Variants in DYSF observed in about 807,000 individuals in gnomAD.
DYSF encodes the protein dysferlin, also known as dystrophy-associated fer-1-like 1.
In DYSF, 212 loss-of-function variants were observed where a neutral mutation model predicts 274.9. That is an observed-to-expected ratio of 0.77 (90% CI 0.69 to 0.86). The LOEUF is 0.86. DYSF is among the 40% of genes least tolerant of loss of function. DYSF has a pLI of 0.00. For missense variants in DYSF, 2,666 were observed against 2,783.2 expected (o/e 0.96, Z 0.95); for synonymous variants, 1,091 against 1,078.7 (o/e 1.01, Z -0.22).
chr2:71,619,996 A>G (rs1003614120), intron 40 of DYSF, among the ~76,000 whole-genome samples: 1 of 152,188 alleles, frequency 6.6e-6, no homozygotes, highest in African/African-American at 2.4e-5. Context: ...AGGTGGGACT[A>G]TAAGACTCCT....
chr2:71,667,171 G>C (rs2095028986), intron 47 of DYSF, among the ~76,000 whole-genome samples: 2 of 152,174 alleles, frequency 1.3e-5, no homozygotes, highest in African/African-American at 4.8e-5. Flanking sequence ...TGGATTTTAA[G>C]CCTGGAGCTA....
At chr2:71,583,225 G>A (rs2092955211) in intron 30 of DYSF, among the ~76,000 whole-genome samples, 1 of 152,136 alleles carries the variant, frequency 6.6e-6, no homozygotes, top group African/African-American at 2.4e-5. Flanking sequence ...TGAACCACAT[G>A]CGCTCACTCC....
rs772806555 is a variant in DYSF, at chr2:71,568,246, C to T, written c.2772C>T (p.Asp924=). 1.5e-5 allele frequency: 25 copies of T among 1,614,094 alleles called. No homozygotes were observed. The highest frequency in any genetic ancestry group is 2.7e-5 in the African/African-American group (2 of 74,930). The change falls in exon 26 of 56, where the codon GAC becomes GAT. Residue 924 remains aspartate (D), a synonymous_variant. Transcript: ENST00000410020. ...GCCTCACCTACCCCAAGTTTTCTGA[C>T]GTCACGGGCAAGATCAAGCTACCCA... ...TTGLTYPKFS[D]VTGKIKLPKD...
At chr2:71,519,494 TG>T (rs2152740369) in intron 10 of DYSF, among the ~76,000 whole-genome samples, 1 of 152,310 alleles carries the variant, frequency 6.6e-6, no homozygotes, top group African/African-American at 2.4e-5. Context: ...CTGCCCCTGC[TG>T]CCCCCTGCAG....
At chr2:71,502,954 G>C (rs2085136089) in intron 3 of DYSF, among the ~76,000 whole-genome samples, 1 of 152,148 alleles carries the variant, frequency 6.6e-6, no homozygotes, top group Non-Finnish European at 1.5e-5. Context: ...GGGGCAGGAA[G>C]GGGTCAAGGT....
chr2:71,564,025 C>T, intron 23 of DYSF, 33 bp from the exon 24 acceptor site: 2 of 1,612,972 alleles, frequency 1.2e-6, no homozygotes, highest in Non-Finnish European at 1.7e-6. Context: ...TGGTGTGTCA[C>T]CATCCCCACC....
Position 71,535,046 on chromosome 2 carries a change from C to A in DYSF, c.1406C>A (p.Thr469Lys), listed in dbSNP as rs376358025. ...KMLCSKILEK[T>K]ANPQWNQNIT... ...CTGTGCAGCAAGATCTTGGAGAAGA[C>A]GGCCAACCCTCAGTGGAACCAGAAC... Residue 469 changes from threonine (T) to lysine (K), a missense_variant, in exon 15 of 56, where the codon ACG (threonine) becomes AAG (lysine). By Grantham distance (78) the Thr-to-Lys change is moderately conservative. Coordinates refer to ENST00000410020, the MANE Select transcript of DYSF (RefSeq NM_001130987.2). 1.9e-6 allele frequency: 3 copies of A among 1,614,138 alleles called. No homozygotes were observed. Among genetic ancestry groups the A allele is most frequent in the Non-Finnish European group, 2.5e-6 (3 of 1,180,006 alleles).
intron 1 of DYSF, among the ~76,000 whole-genome samples, chr2:71,473,367 T>C (rs1220466909): frequency 6.6e-6 from 1 of 152,204 alleles, no homozygotes; most frequent in Non-Finnish European, 1.5e-5. Context: ...TGTATTCTAA[T>C]GGGGCCGTCA....
Position 71,600,756 on chromosome 2 carries a change from C to T in DYSF, c.3811C>T (p.Pro1271Ser). The T allele has an allele frequency of 6.2e-7, 1 of 1,613,852 alleles. No individual in the cohort carries two copies. Among genetic ancestry groups the T allele is most frequent in the African/African-American group, 1.3e-5 (1 of 75,062 alleles). ...CICQPSLERM[P>S]RLAWFPLTRG... ...CTGTCAACCGAGTCTGGAACGGATG[C>T]CACGGCTGGCCTGGTTCCCACTGAC... The change falls in exon 34 of 56, where the codon CCA becomes TCA. Residue 1271 changes from proline to serine, a missense_variant. Physicochemically the swap from Pro to Ser is moderately conservative, Grantham distance 74 (BLOSUM62 -1). Transcript: ENST00000410020.
intron 52 of DYSF, among the ~76,000 whole-genome samples, chr2:71,677,506 C>T (rs1171978192): frequency 6.6e-6 from 1 of 151,944 alleles, no homozygotes; most frequent in Admixed American, 6.6e-5. Flanking sequence ...TCATATGGTT[C>T]AACCTAATAG....
intron 32 of DYSF, among the ~76,000 whole-genome samples, chr2:71,592,341 A>G (rs11126337): frequency 0.3 from 40,529 of 134,778 alleles, 5,689 homozygotes; most frequent in East Asian, 0.38. Flanking sequence ...CCCCTCCCCC[A>G]AATAAACATC....
intron 34 of DYSF, 151 bp downstream of exon 34, chr2:71,600,993 G>A (rs951535485): frequency 1.1e-5 from 11 of 1,024,544 alleles, no homozygotes; most frequent in Admixed American, 7.0e-5. Context: ...ATCTAACATC[G>A]GAATAGAATT....
chr2:71,546,192 C>T (rs900790756), intron 17 of DYSF, among the ~76,000 whole-genome samples: 1 of 152,260 alleles, frequency 6.6e-6, no homozygotes, highest in African/African-American at 2.4e-5. Flanking sequence ...CCCGACTTGC[C>T]TGCAGCCCCC....
intron 41 of DYSF, 39 bp from the exon 42 acceptor site, chr2:71,643,926 C>A (rs940977282): frequency 2.0e-5 from 30 of 1,516,978 alleles, no homozygotes; most frequent in Middle Eastern, 1.7e-4. Flanking sequence ...CTTGGCGAGT[C>A]CTGTTTCTGA....
intron 44 of DYSF, 141 bp from the exon 45 acceptor site, chr2:71,660,419 G>C: frequency 1.4e-6 from 1 of 726,792 alleles, no homozygotes; most frequent in Admixed American, 2.0e-5. Flanking sequence ...GTGGGAGGGG[G>C]CCCTGTCTTG....
intron 42 of DYSF, among the ~76,000 whole-genome samples, chr2:71,650,341 C>T (rs375160312): frequency 2.8e-4 from 43 of 152,118 alleles, no homozygotes; most frequent in African/African-American, 9.2e-4. Context: ...ATTAGTCAGG[C>T]GTGGTGGCGT....
At position 71,619,569 on chromosome 2, in the gene DYSF, A is replaced by G. The variant is rs143994384; in HGVS notation, c.4465-978A>G. 3.2e-3 allele frequency among the ~76,000 whole-genome samples: 484 copies of G among 152,296 alleles called. 2 individuals are homozygous for G. Among genetic ancestry groups the G allele is most frequent in the African/African-American group, 0.011 (453 of 41,574 alleles). The stretch of plus-strand genomic sequence containing the variant: ...GGGTTTCGCCCCTTGGAGTCCTCCC[A>G]GAGCCCCCTGCTCAAGGCTTAGAGG... On this transcript the variant is annotated intron_variant, in intron 40 of 55. Coordinates refer to ENST00000410020, the MANE Select transcript of DYSF (RefSeq NM_001130987.2).
In DYSF at chr2:71,686,622, G is replaced by C. The variant is rs2095359149; in HGVS notation, c.*130G>C. On this transcript the variant is annotated 3_prime_UTR_variant, in exon 56 of 56. Transcript: ENST00000410020. ...ATTGTCCTGCCAGGGTGGGCAGACA[G>C]ACAGATGGACCGGCCCACACTCCCA... 1 of 1,077,722 alleles carries C rather than the reference G, an allele frequency of 9.3e-7. No homozygotes were observed. The highest frequency in any genetic ancestry group is 1.5e-5 in the African/African-American group (1 of 64,670). The allele number at this position is 1,077,722 out of a possible 1,614,324, so 66.8% of individuals were successfully genotyped here. A position where few individuals can be genotyped will look rare whatever the true frequency, so the allele number is the denominator to read the frequency against.
upstream of DYSF, among the ~76,000 whole-genome samples, chr2:71,463,669 T>G (rs898553467): frequency 2.0e-5 from 3 of 152,226 alleles, no homozygotes; most frequent in African/African-American, 7.2e-5. Context: ...GTCTGCTATG[T>G]CCTCAACTGG....
Sources: gnomAD v4.1 joint callset for allele counts (sites outside exome capture counted in the v4.1 genomes callset) on GRCh38, gnomAD v4.1.1 for gene constraint, MANE v1.5 for transcripts, NCBI Gene and HGNC (gene_info 2026-07-23, HGNC 2026-07-21) for gene names.